SDCCAG8: variants seen among roughly 807,000 people sequenced by gnomAD.
The protein encoded by SDCCAG8 is SHH signaling and ciliogenesis regulator SDCCAG8, also known as serologically defined colon cancer antigen 8.
A neutral mutation model predicts 101.8 loss-of-function variants in SDCCAG8; 74 were observed. That is an observed-to-expected ratio of 0.73 (90% CI 0.60 to 0.88). SDCCAG8 has a LOEUF of 0.88. Ranked by LOEUF, SDCCAG8 falls within the 40% of genes least tolerant of loss-of-function variation. The probability of loss-of-function intolerance (pLI) is 0.00; values close to 1 mark genes in which losing one functional copy is unlikely to be tolerated. For missense variants in SDCCAG8, 787 were observed against 822.6 expected (o/e 0.96, Z 0.53); for synonymous variants, 281 against 292.9 (o/e 0.96, Z 0.41).
chr1:243,429,926 C>T (rs552945674), intron 16 of SDCCAG8, among the ~76,000 whole-genome samples: 6 of 151,946 alleles, frequency 3.9e-5, no homozygotes, highest in Non-Finnish European at 8.8e-5. Flanking sequence ...TGGTCTCAAA[C>T]TCCTGACCTG....
chr1:243,473,946 G>GGGGGGT (rs1661804520), intron 16 of SDCCAG8, among the ~76,000 whole-genome samples: 1 of 124,420 alleles, frequency 8.0e-6, no homozygotes, highest in Non-Finnish European at 1.7e-5. Context: ...GGGGCCGGGG[G>GGGGGGT]AGTACTTCTT....
At chr1:243,447,495 AGT>A (rs1467059737) in intron 16 of SDCCAG8, among the ~76,000 whole-genome samples, 1 of 151,838 alleles carries the variant, frequency 6.6e-6, no homozygotes. Context: ...TGGTGATTAT[AGT>A]GTGTGTGTGC....
At chr1:243,313,270 A>G (rs1269687575) in intron 8 of SDCCAG8, among the ~76,000 whole-genome samples, 1 of 152,226 alleles carries the variant, frequency 6.6e-6, no homozygotes. Context: ...AGTGATACCT[A>G]ATAATGCTTA....
chr1:243,294,501 A>AATAGCGAGAGAGAGAGAG (rs2070627196), intron 6 of SDCCAG8, among the ~76,000 whole-genome samples: 1 of 26,684 alleles, frequency 3.7e-5, no homozygotes. Context: ...GAGAGAGAGA[A>AATAGCGAGAGAGAGAGAG]AGAGCGAGAG....
chr1:243,358,548 G>A (rs2076520976), intron 12 of SDCCAG8, among the ~76,000 whole-genome samples: 1 of 152,096 alleles, frequency 6.6e-6, no homozygotes, highest in Non-Finnish European at 1.5e-5. Context: ...AAATATTCGG[G>A]CAGTTTCTCA....
At chr1:243,473,072 G>A (rs962954065) in intron 16 of SDCCAG8, among the ~76,000 whole-genome samples, 3 of 150,226 alleles carry the variant, frequency 2.0e-5, no homozygotes, top group East Asian at 2.0e-4. Context: ...TTTGTCTTCC[G>A]AGTTTAGGAT....
intron 16 of SDCCAG8, among the ~76,000 whole-genome samples, chr1:243,453,768 T>C (rs2083537628): frequency 6.6e-6 from 1 of 152,236 alleles, no homozygotes; most frequent in African/African-American, 2.4e-5. Context: ...TGGTTTATTT[T>C]CTTCAGACTG....
At chr1:243,358,959 G>A (rs1639375366) in intron 12 of SDCCAG8, among the ~76,000 whole-genome samples, 1 of 152,196 alleles carries the variant, frequency 6.6e-6, no homozygotes, top group African/African-American at 2.4e-5. Context: ...TGAAATTGGG[G>A]ACAAATGGGA....
At chr1:243,494,111 A>G (rs1667234335) in intron 17 of SDCCAG8, among the ~76,000 whole-genome samples, 1 of 152,238 alleles carries the variant, frequency 6.6e-6, no homozygotes, top group Non-Finnish European at 1.5e-5. Context: ...TGAATAGAAC[A>G]GCAAATACAT....
At chr1:243,378,623 T>A in intron 12 of SDCCAG8, 98 bp from the exon 13 acceptor site, 1 of 1,330,914 alleles carries the variant, frequency 7.5e-7, no homozygotes, top group Middle Eastern at 2.5e-4. Context: ...TAATTTTTTA[T>A]CAAATTGAAA....
At chr1:243,327,941 C>T (rs987585606) in intron 9 of SDCCAG8, among the ~76,000 whole-genome samples, 34 of 152,184 alleles carry the variant, frequency 2.2e-4, no homozygotes, top group African/African-American at 7.5e-4. Context: ...CTCGCTCTGT[C>T]GCCCAGGCTG....
At chr1:243,338,258 G>A (rs1308824037) in intron 10 of SDCCAG8, among the ~76,000 whole-genome samples, 1 of 152,110 alleles carries the variant, frequency 6.6e-6, no homozygotes, top group African/African-American at 2.4e-5. Context: ...ACACTGCCTG[G>A]CCCAAGAACA....
intron 8 of SDCCAG8, among the ~76,000 whole-genome samples, chr1:243,313,551 A>G (rs569599938): frequency 6.6e-6 from 1 of 152,226 alleles, no homozygotes; most frequent in South Asian, 2.1e-4. Context: ...CTGCTCTTTC[A>G]TCTGGATCAT....
chr1:243,345,585 A>C (rs2075656171), intron 12 of SDCCAG8, among the ~76,000 whole-genome samples: 1 of 152,206 alleles, frequency 6.6e-6, no homozygotes, highest in African/African-American at 2.4e-5. Flanking sequence ...TTTAAAAAGG[A>C]ATCAATATAT....
At chr1:243,374,399 A>G (rs1329961421) in intron 12 of SDCCAG8, among the ~76,000 whole-genome samples, 1 of 152,140 alleles carries the variant, frequency 6.6e-6, no homozygotes, top group Non-Finnish European at 1.5e-5. Flanking sequence ...CAGCATTGCA[A>G]AATTTCAAAA....
chr1:243,267,835 A>G (rs1233535881), intron 1 of SDCCAG8: 6 of 980,246 alleles, frequency 6.1e-6, no homozygotes, highest in Non-Finnish European at 1.0e-5. Flanking sequence ...TACACTTGAC[A>G]TGCAGACAGC....
chr1:243,280,087 G>T (rs1469669450), intron 4 of SDCCAG8, among the ~76,000 whole-genome samples: 1 of 152,106 alleles, frequency 6.6e-6, no homozygotes, highest in Non-Finnish European at 1.5e-5. Flanking sequence ...GATAAATATA[G>T]GTTTATTCAG....
At chr1:243,454,912 G>A (rs917043429) in intron 16 of SDCCAG8, among the ~76,000 whole-genome samples, 2 of 152,044 alleles carry the variant, frequency 1.3e-5, no homozygotes, top group African/African-American at 2.4e-5. Context: ...AGATACGGTG[G>A]GAATAAGCTT....
Position 243,429,059 on chromosome 1 carries a change from T to C in SDCCAG8, c.1985+2501T>C, listed in dbSNP as rs1463412912. Among the ~76,000 whole-genome samples, 3 of 152,226 alleles carry C rather than the reference T, an allele frequency of 2.0e-5. No homozygotes were observed. The East Asian group carries it at 5.8e-4, about 29-fold the overall frequency. ...CCCATACGAAGTGCCACTAGTGATG[T>C]TGGAAGTACTTCCAAGAAGCAGAGA... On this transcript the variant is annotated intron_variant, in intron 16 of 17. Coordinates refer to ENST00000366541, the MANE Select transcript of SDCCAG8 (RefSeq NM_006642.5).
Sources: gnomAD v4.1 joint callset for allele counts (sites outside exome capture counted in the v4.1 genomes callset) on GRCh38, gnomAD v4.1.1 for gene constraint, MANE v1.5 for transcripts, NCBI Gene and HGNC (gene_info 2026-07-23, HGNC 2026-07-21) for gene names.